The following CLASP1 variants were observed in gnomAD, a reference collection of about 807,000 sequenced individuals.
The protein encoded by CLASP1 is CLIP-associating protein 1.
In CLASP1, 38 loss-of-function variants were observed where a neutral mutation model predicts 192.3. That is an observed-to-expected ratio of 0.20 (90% CI 0.15 to 0.26). The LOEUF is 0.26. CLASP1 is among the 10% of genes least tolerant of loss of function. The probability of loss-of-function intolerance (pLI) is 1.00; values close to 1 mark genes in which losing one functional copy is unlikely to be tolerated. For synonymous variants in CLASP1, 691 were observed against 712.8 expected, an observed-to-expected ratio of 0.97 and a Z score of 0.49; for missense variants, 1,433 against 1,932.5, an observed-to-expected ratio of 0.74 and a Z score of 4.85.
At chr2:121,540,634 A>G (rs2104990770) in intron 2 of CLASP1, among the ~76,000 whole-genome samples, 1 of 152,094 alleles carries the variant, frequency 6.6e-6, no homozygotes, top group Non-Finnish European at 1.5e-5. Context: ...TAAAAATACA[A>G]AAAATTAGCT....
rs542751636 is a variant in CLASP1 at position 121,542,507 on chromosome 2, G to A, written c.196-12182C>T. Among the ~76,000 whole-genome samples, 61 of 152,238 alleles carry A rather than the reference G, an allele frequency of 4.0e-4. No homozygotes were observed. In the South Asian group the frequency reaches 9.3e-3, roughly 23 times the overall value. ...CAACACAAATACCCCCTCAAGAAAA[G>A]TGTGATAGTCAGTGACTTTGCACAT... On this transcript the variant is annotated intron_variant, in intron 2 of 39. Coordinates refer to ENST00000263710, the Ensembl canonical transcript of CLASP1.
At chr2:121,489,789 G>GA (rs907574441) in intron 8 of CLASP1, among the ~76,000 whole-genome samples, 5 of 152,064 alleles carry the variant, frequency 3.3e-5, no homozygotes, top group African/African-American at 1.2e-4. Flanking sequence ...TTTTAAAGGG[G>GA]AAAAAAATAA....
intron 21 of CLASP1, among the ~76,000 whole-genome samples, chr2:121,426,522 T>A (rs1264540853): frequency 3.9e-5 from 6 of 152,224 alleles, no homozygotes; most frequent in Non-Finnish European, 8.8e-5. Flanking sequence ...TGTGTGTATA[T>A]GTATGTATAA....
rs544141130 is a variant in CLASP1, at chr2:121,418,804, T to G, written c.2213-75A>C. The G allele has an allele frequency of 2.0e-4, 215 of 1,062,088 alleles. 2 individuals are homozygous for G. The South Asian group carries it at 2.5e-3, about 12-fold the overall frequency. 65.8% of individuals were successfully genotyped at this position (1,062,088 alleles called of 1,614,324 possible). Reference sequence around the variant, plus strand: ...GACAGATAAACTCACAAAATGTCAGTCACATTTGGTTAATGTAATTACGAC... The same window carrying G: ...GACAGATAAACTCACAAAATGTCAGGCACATTTGGTTAATGTAATTACGAC... On this transcript the variant is annotated intron_variant, in intron 22 of 39. Transcript: ENST00000263710.
At chr2:121,649,188 T>A (rs1267684622) in intron 1 of CLASP1, among the ~76,000 whole-genome samples, 184 bp downstream of exon 1, 1 of 151,748 alleles carries the variant, frequency 6.6e-6, no homozygotes, top group Non-Finnish European at 1.5e-5. Context: ...TAAACAACCC[T>A]CGCATCCCGC....
intron 6 of CLASP1, among the ~76,000 whole-genome samples, chr2:121,517,584 G>A (rs1362968959): frequency 1.3e-5 from 2 of 152,146 alleles, no homozygotes; most frequent in Non-Finnish European, 2.9e-5. Context: ...GCCGAGCATG[G>A]TGGCTCACAC....
intron 9 of CLASP1, among the ~76,000 whole-genome samples, chr2:121,467,702 G>A (rs2149944976): frequency 6.6e-6 from 1 of 152,264 alleles, no homozygotes; most frequent in South Asian, 2.1e-4. Flanking sequence ...TAGGCCTTTT[G>A]TCAGACGGAT....
At chr2:121,387,318 T>G in intron 31 of CLASP1, 90 bp from the exon 33 acceptor site, 1 of 903,868 alleles carries the variant, frequency 1.1e-6, no homozygotes, top group Non-Finnish European at 1.6e-6. Flanking sequence ...CACATGTAAA[T>G]AAATGGGTAG....
At chr2:121,644,693 A>T (rs1457384849) in intron 1 of CLASP1, among the ~76,000 whole-genome samples, 3 of 152,090 alleles carry the variant, frequency 2.0e-5, no homozygotes, top group Non-Finnish European at 4.4e-5. Context: ...CAGGCTTCCT[A>T]GCACTTTGGT....
intron 34 of CLASP1, among the ~76,000 whole-genome samples, chr2:121,374,207 G>A (rs2069432128): frequency 6.6e-6 from 1 of 152,234 alleles, no homozygotes; most frequent in South Asian, 2.1e-4. Flanking sequence ...AGGGGCCAAC[G>A]TACAGCTTGG....
intron 34 of CLASP1, among the ~76,000 whole-genome samples, chr2:121,372,087 G>A (rs1369093851): frequency 6.6e-6 from 1 of 152,196 alleles, no homozygotes; most frequent in Admixed American, 6.5e-5. Context: ...CGAAGGAAAG[G>A]TCTTAACTTT....
intron 25 of CLASP1, among the ~76,000 whole-genome samples, chr2:121,406,506 A>G (rs1220143590): frequency 6.6e-6 from 1 of 152,248 alleles, no homozygotes; most frequent in Non-Finnish European, 1.5e-5. Context: ...CCTGAACTGC[A>G]TACTGTACAG....
chr2:121,638,265 A>G (rs1414876606), intron 1 of CLASP1, among the ~76,000 whole-genome samples: 6 of 152,138 alleles, frequency 3.9e-5, no homozygotes, highest in Admixed American at 3.9e-4. Context: ...TTAAGATACT[A>G]CTTATATTAT....
chr2:121,499,562 A>G (rs2093662278), intron 8 of CLASP1, among the ~76,000 whole-genome samples: 1 of 151,928 alleles, frequency 6.6e-6, no homozygotes, highest in Non-Finnish European at 1.5e-5. Context: ...AAACACCAGT[A>G]GGTAAATTAT....
At chr2:121,461,188 A>G (rs370426726) in exon 11 of CLASP1, 26 of 1,570,208 alleles carry the variant, frequency 1.7e-5, no homozygotes, top group Non-Finnish European at 1.7e-5. Context: ...CTCGGCTGGA[A>G]TAAATCTGTA....
chr2:121,554,815 G>A (rs186246835), intron 2 of CLASP1, among the ~76,000 whole-genome samples: 5 of 152,202 alleles, frequency 3.3e-5, no homozygotes, highest in African/African-American at 7.2e-5. Flanking sequence ...GCACAACTCT[G>A]TAATTTTACT....
At chr2:121,426,761 G>GT (rs1348489950) in intron 21 of CLASP1, among the ~76,000 whole-genome samples, 1 of 152,060 alleles carries the variant, frequency 6.6e-6, no homozygotes, top group Non-Finnish European at 1.5e-5. Context: ...TTATTAATAG[G>GT]TAAGTAGCTA....
chr2:121,478,855 C>CCACACCACACA (rs756183863), intron 8 of CLASP1, among the ~76,000 whole-genome samples: 1,505 of 56,764 alleles, frequency 0.027, 47 homozygotes, highest in African/African-American at 0.077. Flanking sequence ...ACACCACACA[C>CCACACCACACA]CACACCACAC....
In CLASP1 at chr2:121,649,090, CAG is replaced by C. The variant is rs776971613; in HGVS notation, c.-286+280_-286+281del. 2.6e-5 allele frequency among the ~76,000 whole-genome samples: 4 copies of C among 152,138 alleles called. No homozygotes were observed. In the South Asian group the frequency reaches 6.2e-4, roughly 24 times the overall value. Reference sequence around the variant, plus strand: ...CCGGGTGGGGTCTGGAAAAGGGAAACAGAGAGGGGCACACAAAGCCCGACTGA... The same window carrying C: ...CCGGGTGGGGTCTGGAAAAGGGAAACAGAGGGGCACACAAAGCCCGACTGA... On this transcript the variant is annotated intron_variant, in intron 1 of 39. Transcript: ENST00000263710.
Sources: allele counts gnomAD v4.1 joint callset (sites outside exome capture counted in the v4.1 genomes callset), GRCh38; gene constraint gnomAD v4.1.1; transcripts MANE v1.5; gene names NCBI Gene and HGNC (gene_info 2026-07-23, HGNC 2026-07-21).